Variants in COL22A1 observed in about 807,000 individuals in gnomAD.
The protein encoded by COL22A1 is collagen type XXII alpha 1 chain.
A neutral mutation model predicts 248.9 loss-of-function variants in COL22A1; 221 were observed. The ratio of observed to expected loss-of-function variants is 0.89; its 90% CI spans 0.80 to 0.99. The LOEUF is 0.99. Among genes scored for constraint, COL22A1 ranks in the 50% least tolerant of loss-of-function variants. The probability of loss-of-function intolerance (pLI) is 0.00; values close to 1 mark genes in which losing one functional copy is unlikely to be tolerated. For synonymous variants in COL22A1, 891 were observed against 793.4 expected (o/e 1.12, Z -2.07); for missense variants, 2,240 against 2,179.0 (o/e 1.03, Z -0.56).
intron 30 of COL22A1, among the ~76,000 whole-genome samples, chr8:138,703,777 T>G (rs4467972): frequency 0.85 from 129,994 of 152,074 alleles, 55,586 homozygotes; most frequent in East Asian, 0.94. Context: ...ACTGGGGCTT[T>G]TTGGACAGTG....
At chr8:138,723,303 G>A (rs946108122) in intron 25 of COL22A1, among the ~76,000 whole-genome samples, 7 of 152,108 alleles carry the variant, frequency 4.6e-5, no homozygotes, top group African/African-American at 1.7e-4. Context: ...AGACAGCCCC[G>A]CCTGCACAGA....
At chr8:138,710,442 C>T (rs554227779) in intron 30 of COL22A1, among the ~76,000 whole-genome samples, 254 of 152,224 alleles carry the variant, frequency 1.7e-3, no homozygotes, top group Non-Finnish European at 2.6e-3. Context: ...GAGACAAGTT[C>T]GCCCTTAGTC....
chr8:138,650,670 T>TTAGATAGA (rs6150847), intron 45 of COL22A1, among the ~76,000 whole-genome samples: 170 of 151,144 alleles, frequency 1.1e-3, no homozygotes, highest in African/African-American at 1.4e-3. Flanking sequence ...TCAAGAAAGA[T>TTAGATAGA]TAGATAGATA....
chr8:138,867,252 C>T (rs942722590), intron 3 of COL22A1, among the ~76,000 whole-genome samples: 6 of 152,238 alleles, frequency 3.9e-5, no homozygotes, highest in South Asian at 4.1e-4. Context: ...GTTTGCTGTC[C>T]TTTGAATTCG....
intron 12 of COL22A1, among the ~76,000 whole-genome samples, chr8:138,795,269 C>T (rs1260287468): frequency 6.6e-6 from 1 of 152,122 alleles, no homozygotes; most frequent in Admixed American, 6.5e-5. Context: ...ACATGAACTA[C>T]ATCTGCCTGG....
At chr8:138,608,966 T>C (rs1054123820) in intron 56 of COL22A1, among the ~76,000 whole-genome samples, 1 of 152,230 alleles carries the variant, frequency 6.6e-6, no homozygotes, top group Non-Finnish European at 1.5e-5. Flanking sequence ...GGTTTCCTGC[T>C]AAATAATAAA....
chr8:138,702,844 A>G (rs1018176817), intron 31 of COL22A1, among the ~76,000 whole-genome samples: 2 of 152,152 alleles, frequency 1.3e-5, no homozygotes, highest in Admixed American at 6.5e-5. Context: ...TATGACCACA[A>G]TGCTGGTGAA....
At chr8:138,744,743 C>T (rs1439987903) in intron 22 of COL22A1, among the ~76,000 whole-genome samples, 2 of 152,242 alleles carry the variant, frequency 1.3e-5, no homozygotes, top group East Asian at 1.9e-4. Context: ...GAAGTGCCTG[C>T]TATGCAGTGA....
At chr8:138,767,710 C>CG (rs1269055723) in intron 16 of COL22A1, among the ~76,000 whole-genome samples, 1 of 152,196 alleles carries the variant, frequency 6.6e-6, no homozygotes, top group Non-Finnish European at 1.5e-5. Flanking sequence ...GTGCACCGCC[C>CG]GGTCTCCATC....
intron 9 of COL22A1, among the ~76,000 whole-genome samples, chr8:138,809,611 C>T (rs1016631417): frequency 6.6e-6 from 1 of 150,656 alleles, no homozygotes; most frequent in African/African-American, 2.5e-5. Flanking sequence ...ACCTCCGCCT[C>T]CCGGGTTCAA....
chr8:138,597,493 C>A (rs1040267201), intron 61 of COL22A1, among the ~76,000 whole-genome samples: 1 of 152,180 alleles, frequency 6.6e-6, no homozygotes, highest in African/African-American at 2.4e-5. Flanking sequence ...CTCACCAAGT[C>A]CTGGTGCTTG....
chr8:138,773,368 G>A (rs542816110), intron 16 of COL22A1, among the ~76,000 whole-genome samples: 33 of 152,248 alleles, frequency 2.2e-4, no homozygotes, highest in African/African-American at 6.7e-4. Context: ...AGGAGTCTTC[G>A]GCCTCCATAT....
chr8:138,878,090 C>G lies in COL22A1; in HGVS notation c.318G>C (p.Arg106=). Residue 106 remains arginine (R), a synonymous_variant, in exon 3 of 65, where the codon CGG becomes CGC. Transcript: ENST00000303045. ...TGTTGCCCCCGTGGTAGGCGAGACG[C>G]CGGGCAGCCGCCTTGACCTCCTCCT... The part of the protein sequence containing the change: ...GSQEEVKAAA[R]RLAYHGGNTN... 6.3e-7 allele frequency: 1 copy of G among 1,598,594 alleles called. No individual in the cohort carries two copies.
intron 11 of COL22A1, among the ~76,000 whole-genome samples, chr8:138,802,483 C>G (rs1817081513): frequency 6.6e-6 from 1 of 151,608 alleles, no homozygotes; most frequent in African/African-American, 2.4e-5. Context: ...ACTCATGAGC[C>G]AAGCAGGAAG....
At chr8:138,625,195 AG>A (rs1025653139) in intron 51 of COL22A1, among the ~76,000 whole-genome samples, 1 of 152,150 alleles carries the variant, frequency 6.6e-6, no homozygotes, top group African/African-American at 2.4e-5. Flanking sequence ...GGAGCAGGGA[AG>A]GAAGTGATAG....
chr8:138,753,237 C>A (rs1041390684), intron 21 of COL22A1, among the ~76,000 whole-genome samples: 1 of 152,186 alleles, frequency 6.6e-6, no homozygotes, highest in Non-Finnish European at 1.5e-5. Context: ...GCTCTACAAG[C>A]GTGTGTTAAG....
chr8:138,709,168 G>T (rs932188049), intron 30 of COL22A1, among the ~76,000 whole-genome samples: 4 of 152,166 alleles, frequency 2.6e-5, no homozygotes, highest in African/African-American at 9.7e-5. Flanking sequence ...GGAGAAATAG[G>T]AACACTTTTA....
At chr8:138,698,358 T>C (rs1827681506) in intron 32 of COL22A1, among the ~76,000 whole-genome samples, 1 of 152,184 alleles carries the variant, frequency 6.6e-6, no homozygotes, top group Admixed American at 6.5e-5. Context: ...GGTAGGGCCT[T>C]CTTGGCAAGT....
At chr8:138,674,784 T>C (rs1216959853) in intron 41 of COL22A1, among the ~76,000 whole-genome samples, 1 of 152,162 alleles carries the variant, frequency 6.6e-6, no homozygotes, top group African/African-American at 2.4e-5. Context: ...CAACCCTTTC[T>C]CTATGCTAAG....
Sources: gnomAD v4.1 joint callset for allele counts (sites outside exome capture counted in the v4.1 genomes callset) on GRCh38, gnomAD v4.1.1 for gene constraint, MANE v1.5 for transcripts, NCBI Gene and HGNC (gene_info 2026-07-23, HGNC 2026-07-21) for gene names.